Variants in RERE observed in about 807,000 individuals in gnomAD.
The protein encoded by RERE is arginine-glutamic acid dipeptide repeats protein.
In RERE, 40 loss-of-function variants were observed where a neutral mutation model predicts 146.1. The ratio of observed to expected loss-of-function variants is 0.27; its 90% CI spans 0.21 to 0.36. The LOEUF (loss-of-function observed/expected upper bound fraction) is 0.36. Among genes scored for constraint, RERE ranks in the 10% least tolerant of loss-of-function variants. The pLI is 1.00. For synonymous variants in RERE, 1,003 were observed against 866.0 expected (o/e 1.16, Z -2.78); for missense variants, 1,933 against 2,138.7 (o/e 0.90, Z 1.90).
At chr1:8,542,953 G>A (rs1235489403) in intron 6 of RERE, among the ~76,000 whole-genome samples, 1 of 152,170 alleles carries the variant, frequency 6.6e-6, no homozygotes, top group Non-Finnish European at 1.5e-5. Context: ...AAACAACACT[G>A]ATAAAACTGA....
intron 7 of RERE, among the ~76,000 whole-genome samples, chr1:8,511,592 C>G (rs1298486967): frequency 6.6e-6 from 1 of 152,076 alleles, no homozygotes; most frequent in Admixed American, 6.5e-5. Context: ...CCACCTTAGA[C>G]AAAGCTTGAT....
chr1:8,745,849 C>T (rs992656156), intron 1 of RERE, among the ~76,000 whole-genome samples: 13 of 152,146 alleles, frequency 8.5e-5, no homozygotes, highest in African/African-American at 2.4e-4. Flanking sequence ...GTAGGAGAAT[C>T]GCTTGAGCCC....
At chr1:8,365,733 T>A in intron 13 of RERE, 79 bp downstream of exon 13, 2 of 1,524,740 alleles carry the variant, frequency 1.3e-6, no homozygotes, top group South Asian at 2.4e-5. Context: ...AGCCATCAGC[T>A]CCTACGGGCC....
At chr1:8,366,104 C>A in intron 12 of RERE, 130 bp from the exon 13 acceptor site, 1 of 988,486 alleles carries the variant, frequency 1.0e-6, no homozygotes, top group Non-Finnish European at 1.5e-6. Flanking sequence ...ACCAGTCGCT[C>A]CTGGAGTTGG....
At position 8,361,320 on chromosome 1, in the gene RERE, G is replaced by A. The variant is rs1198514754; in HGVS notation, c.2187C>T (p.Ala729=). The change falls in exon 18 of 23, where the codon GCC becomes GCT. Residue 729 remains alanine, a synonymous_variant. Transcript: ENST00000400908. ...GCTGGGCCTGCAGCATCTGCTGCTG[G>A]GCTGACGAGTCCGAGTCACTCTCAT... ...QDNESDSDSS[A]QQQMLQAQPP... 1 of 1,612,238 alleles carries A rather than the reference G, an allele frequency of 6.2e-7. No homozygotes were observed. The highest frequency in any genetic ancestry group is 1.1e-5 in the South Asian group (1 of 90,968).
intron 10 of RERE, among the ~76,000 whole-genome samples, chr1:8,478,289 C>T (rs1445745425): frequency 2.0e-5 from 3 of 152,002 alleles, no homozygotes; most frequent in African/African-American, 7.3e-5. Flanking sequence ...TCAGAGGCAT[C>T]GAGTAAAGGT....
At chr1:8,796,952 G>T (rs1290831953) in intron 1 of RERE, among the ~76,000 whole-genome samples, 1 of 152,108 alleles carries the variant, frequency 6.6e-6, no homozygotes. Context: ...ACAGATGAGG[G>T]TCACAGACTT....
At chr1:8,710,857 G>T (rs747490511) in intron 1 of RERE, among the ~76,000 whole-genome samples, 8 of 152,006 alleles carry the variant, frequency 5.3e-5, no homozygotes, top group Non-Finnish European at 1.0e-4. Context: ...AGGCGGAGTA[G>T]CTTACACCTG....
intron 11 of RERE, among the ~76,000 whole-genome samples, chr1:8,443,038 G>A (rs913093825): frequency 6.6e-6 from 1 of 152,220 alleles, no homozygotes; most frequent in African/African-American, 2.4e-5. Context: ...TTCAAGATGT[G>A]ACCTGGCTGC....
At chr1:8,499,217 T>C (rs2124251859) in intron 8 of RERE, among the ~76,000 whole-genome samples, 1 of 152,380 alleles carries the variant, frequency 6.6e-6, no homozygotes, top group South Asian at 2.1e-4. Context: ...ACATGAAGCC[T>C]GGGCAAACAA....
intron 11 of RERE, among the ~76,000 whole-genome samples, chr1:8,458,946 A>C (rs1375290870): frequency 1.3e-5 from 2 of 152,248 alleles, no homozygotes; most frequent in African/African-American, 2.4e-5. Flanking sequence ...AAAGGGTTTT[A>C]AAAATACATT....
intron 12 of RERE, among the ~76,000 whole-genome samples, chr1:8,413,339 T>C (rs1643665104): frequency 6.6e-6 from 1 of 152,110 alleles, no homozygotes; most frequent in Non-Finnish European, 1.5e-5. Flanking sequence ...TAAATTTTAA[T>C]TTTGTTTTTT....
chr1:8,755,332 A>G (rs1640613564), intron 1 of RERE, among the ~76,000 whole-genome samples: 1 of 152,228 alleles, frequency 6.6e-6, no homozygotes. Flanking sequence ...TCCATTCAAT[A>G]TTCTGTTTAT....
At chr1:8,573,069 C>CT (rs1391275103) in intron 4 of RERE, among the ~76,000 whole-genome samples, 2 of 152,274 alleles carry the variant, frequency 1.3e-5, no homozygotes, top group East Asian at 3.9e-4. Context: ...GCTTGCTATC[C>CT]TGAGCGTGTT....
At chr1:8,516,332 C>T (rs1162579941) in intron 7 of RERE, among the ~76,000 whole-genome samples, 2 of 151,054 alleles carry the variant, frequency 1.3e-5, no homozygotes, top group African/African-American at 4.9e-5. Context: ...CTATGCTGGG[C>T]ACATATTATT....
At chr1:8,494,900 C>T (rs777712501) in intron 10 of RERE, among the ~76,000 whole-genome samples, 163 bp downstream of exon 10, 4 of 152,142 alleles carry the variant, frequency 2.6e-5, no homozygotes, top group Non-Finnish European at 5.9e-5. Flanking sequence ...CTGCAGGTGC[C>T]ACATCACTGG....
intron 2 of RERE, among the ~76,000 whole-genome samples, chr1:8,643,986 T>C (rs1437507177): frequency 6.6e-6 from 1 of 152,206 alleles, no homozygotes; most frequent in Non-Finnish European, 1.5e-5. Flanking sequence ...AAGTTGCACA[T>C]GAACCAGCAT....
At chr1:8,578,795 G>A (rs891444736) in intron 4 of RERE, among the ~76,000 whole-genome samples, 26 of 152,204 alleles carry the variant, frequency 1.7e-4, no homozygotes, top group African/African-American at 6.3e-4. Flanking sequence ...AAGACATGCT[G>A]TAAAGCACAG....
In RERE at chr1:8,362,728, G is replaced by A. The variant is rs1641633956; in HGVS notation, c.1857C>T (p.Thr619=). The A allele has an allele frequency of 1.9e-6, 3 of 1,614,142 alleles. No homozygotes were observed. Among genetic ancestry groups the A allele is most frequent in the African/African-American group, 1.3e-5 (1 of 74,944 alleles). The change falls in exon 16 of 23, where the codon ACC becomes ACT. Residue 619 remains threonine, a synonymous_variant. Coordinates refer to ENST00000400908, the MANE Select transcript of RERE (RefSeq NM_001042681.2). ...TCTCTGCTTTACTGTCATTGCTGGA[G>A]GTACTGGCAGCGCTGGGGGAGTTCC... ...SGRNSPSAAS[T]SSNDSKAETV...
Sources: allele counts gnomAD v4.1 joint callset (sites outside exome capture counted in the v4.1 genomes callset), GRCh38; gene constraint gnomAD v4.1.1; transcripts MANE v1.5; gene names NCBI Gene and HGNC (gene_info 2026-07-23, HGNC 2026-07-21).